The following CCDC190 variants were observed in gnomAD, a reference collection of about 807,000 sequenced individuals.
CCDC190 encodes coiled-coil domain-containing protein 190.
In CCDC190, 10 loss-of-function variants were observed where a neutral mutation model predicts 13.1. The observed-to-expected ratio is 0.77, with a 90% CI of 0.47 to 1.30. The LOEUF (loss-of-function observed/expected upper bound fraction) is 1.30, where lower values mean the gene tolerates loss of function less well. Ranked by LOEUF, CCDC190 falls within the 50% of genes most tolerant of loss-of-function variation. CCDC190 has a pLI of 0.00. For missense variants in CCDC190, 375 were observed against 354.3 expected, an observed-to-expected ratio of 1.06 and a Z score of -0.47; for synonymous variants, 136 against 127.2, an observed-to-expected ratio of 1.07 and a Z score of -0.47.
upstream of CCDC190, among the ~76,000 whole-genome samples, chr1:162,863,626 A>G (rs926754410): frequency 1.3e-5 from 2 of 152,200 alleles, no homozygotes; most frequent in African/African-American, 4.8e-5. Context: ...ACAGCACAAG[A>G]ATTGAGCAAC....
chr1:162,864,050 T>C (rs529953088), upstream of CCDC190, among the ~76,000 whole-genome samples: 70 of 149,064 alleles, frequency 4.7e-4, no homozygotes, highest in Middle Eastern at 3.5e-3. Flanking sequence ...AAGCAAAAGA[T>C]ATATGAATTA....
Position 162,852,938 on chromosome 1 carries a change from G to A in CCDC190, c.*1827C>T, listed in dbSNP as rs1184801535. The A allele has an allele frequency of 3.3e-6, 2 of 605,678 alleles. No homozygotes were observed. Among genetic ancestry groups the A allele is most frequent in the Non-Finnish European group, 6.0e-6 (2 of 336,000 alleles). 37.5% of individuals were successfully genotyped at this position (605,678 alleles called of 1,614,324 possible). A position where few individuals can be genotyped will look rare whatever the true frequency, so the allele number is the denominator to read the frequency against. The stretch of plus-strand genomic sequence containing the variant: ...AGAAAGAACTTTTAGGAAAGAGCTT[G>A]CGCAGTTTACAAAGGGGTTCTCTAA... On this transcript the variant is annotated 3_prime_UTR_variant, in exon 4 of 4. Transcript: ENST00000367912.
At chr1:162,867,193 C>T (rs1650738128) in intron 1 of CCDC190, among the ~76,000 whole-genome samples, 1 of 151,812 alleles carries the variant, frequency 6.6e-6, no homozygotes, top group Non-Finnish European at 1.5e-5. Flanking sequence ...ATTGACAACG[C>T]AAAAAAACCT....
At chr1:162,858,291 C>T (rs1020527953) in intron 2 of CCDC190, among the ~76,000 whole-genome samples, 4 of 152,156 alleles carry the variant, frequency 2.6e-5, no homozygotes, top group African/African-American at 9.7e-5. Flanking sequence ...TAGGGCCTGG[C>T]CTTTTGTACA....
upstream of CCDC190, among the ~76,000 whole-genome samples, chr1:162,864,477 G>C (rs577492892): frequency 3.3e-5 from 5 of 152,158 alleles, no homozygotes; most frequent in South Asian, 8.3e-4. Context: ...GAAGTATAAA[G>C]ACTATTTTTC....
intron 1 of CCDC190, among the ~76,000 whole-genome samples, chr1:162,866,420 G>A (rs572197046): frequency 9.2e-5 from 14 of 152,224 alleles, no homozygotes; most frequent in African/African-American, 3.1e-4. Flanking sequence ...ACAAGAGTAA[G>A]ACTCCATCTC....
At chr1:162,855,465 A>C (rs1650268774) in intron 3 of CCDC190, 106 bp from the exon 4 acceptor site, 1 of 1,467,156 alleles carries the variant, frequency 6.8e-7, no homozygotes, top group Non-Finnish European at 9.1e-7. Context: ...GGCCAAGGTA[A>C]TATAGGTGGG....
chr1:162,856,006 C>T, intron 2 of CCDC190: 2 of 297,870 alleles, frequency 6.7e-6, no homozygotes, highest in South Asian at 1.1e-4. Flanking sequence ...GAGAAGACAG[C>T]CATCTGTAAG....
rs1413706229 is a variant in CCDC190 at position 162,851,354 on chromosome 1, T to C, written c.*3411A>G. 6.7e-6 allele frequency: 1 copy of C among 148,672 alleles called. No individual in the cohort carries two copies. The highest frequency in any genetic ancestry group is 2.5e-5 in the African/African-American group (1 of 39,824). The allele number at this position is 148,672 out of a possible 1,614,324, so 9.2% of individuals were successfully genotyped here. On this transcript the variant is annotated 3_prime_UTR_variant, in exon 4 of 4. Coordinates refer to ENST00000367912, the MANE Select transcript of CCDC190 (RefSeq NM_001394065.1). ...GCTATTCTGGCTGTCATTGGTGAGATAGAGCTGCTGACATCTGTTTGGACT... is the reference window on the plus strand; with the variant it reads ...GCTATTCTGGCTGTCATTGGTGAGACAGAGCTGCTGACATCTGTTTGGACT...
In CCDC190 at chr1:162,853,179, C is replaced by T. The variant is rs1650172364; in HGVS notation, c.*1586G>A. 6.5e-7 allele frequency: 1 copy of T among 1,534,396 alleles called. No individual in the cohort carries two copies. The highest frequency in any genetic ancestry group is 2.1e-5 in the Admixed American group (1 of 48,702). On this transcript the variant is annotated 3_prime_UTR_variant, in exon 4 of 4. Transcript: ENST00000367912. ...AGGCTGGGCTGATGAAACTGACTCTCAAATGTTTGATCTAAGTTTTTGTCT... is the reference window on the plus strand; with the variant it reads ...AGGCTGGGCTGATGAAACTGACTCTTAAATGTTTGATCTAAGTTTTTGTCT...
chr1:162,865,268 A>T (rs560984201), upstream of CCDC190, among the ~76,000 whole-genome samples: 13 of 152,182 alleles, frequency 8.5e-5, no homozygotes, highest in Non-Finnish European at 1.6e-4. Context: ...TACATGGAGG[A>T]ATGAACAAAC....
Position 162,855,166 on chromosome 1 carries a change from CT to C in CCDC190, c.504del (p.Asp169ThrfsTer20), listed in dbSNP as rs1558110517. 1 of 1,613,994 alleles carries C rather than the reference CT, an allele frequency of 6.2e-7. No homozygotes were observed. The highest frequency in any genetic ancestry group is 1.7e-4 in the Middle Eastern group (1 of 6,060). Reference sequence around the variant, plus strand: ...GGAACAGAGATGCCCTTGCTGGGGTCTACGTCCTTAGATGGATTCACAGAAT... The same window carrying C: ...GGAACAGAGATGCCCTTGCTGGGGTCACGTCCTTAGATGGATTCACAGAAT... ...EKDSVNPSKD[V>X]DPSKGISVPC... On this transcript the variant is annotated frameshift_variant, in exon 4 of 4. Coordinates refer to ENST00000367912, the MANE Select transcript of CCDC190 (RefSeq NM_001394065.1). LOFTEE classifies it low-confidence loss of function (END_TRUNC).
chr1:162,859,587 A>G lies in CCDC190; in HGVS notation c.60T>C (p.Asn20=), dbSNP rs745347263. The G allele has an allele frequency of 3.8e-5, 62 of 1,613,830 alleles. No individual in the cohort carries two copies. The highest frequency in any genetic ancestry group is 4.9e-5 in the Non-Finnish European group (58 of 1,179,868). ...LYKHFDLERK[N]AKQAEARLDQ... ...CCAGTCTGGCTTCAGCCTGCTTGGCATTCTTCCTCTCCAAATCAAAATGCT... is the reference window on the plus strand; with the variant it reads ...CCAGTCTGGCTTCAGCCTGCTTGGCGTTCTTCCTCTCCAAATCAAAATGCT... Residue 20 remains asparagine (N), a synonymous_variant, in exon 2 of 4, where the codon AAT becomes AAC. Transcript: ENST00000367912.
intron 2 of CCDC190, among the ~76,000 whole-genome samples, chr1:162,858,630 A>G (rs1384720990): frequency 1.3e-5 from 2 of 152,184 alleles, no homozygotes; most frequent in Admixed American, 6.5e-5. Flanking sequence ...TGTTCTGTCC[A>G]TTTCAGACTC....
chr1:162,855,920 A>G (rs1276504037), intron 2 of CCDC190, 165 bp from the exon 3 acceptor site: 9 of 560,844 alleles, frequency 1.6e-5, no homozygotes, highest in Non-Finnish European at 2.8e-5. Flanking sequence ...TACTAATCCT[A>G]TATTACCGGT....
In CCDC190 at chr1:162,855,748, C is replaced by T. The variant is rs1172227838; in HGVS notation, c.195G>A (p.Met65Ile). 2 of 1,596,870 alleles carry T rather than the reference C, an allele frequency of 1.3e-6. No homozygotes were observed. The highest frequency in any genetic ancestry group is 8.5e-7 in the Non-Finnish European group (1 of 1,169,762). Residue 65 changes from methionine (M) to isoleucine (I), a missense_variant, in exon 3 of 4, where the codon ATG (methionine) becomes ATA (isoleucine). Coordinates refer to ENST00000367912, the MANE Select transcript of CCDC190 (RefSeq NM_001394065.1). ...CCAAATAAGAGGAGAACTTTTTCTT[C>T]ATGGTTTCTGCTTTGAGTTAATTAA... is the stretch of plus-strand genomic sequence containing the variant. ...KELQRLQQET[M>I]KKKFSSYLGN...
chr1:162,860,529 A>G (rs894793470), intron 1 of CCDC190, among the ~76,000 whole-genome samples: 22 of 152,184 alleles, frequency 1.4e-4, no homozygotes, highest in African/African-American at 5.3e-4. Context: ...TGCTCAGGAT[A>G]TAAACAGATT....
At position 162,852,934 on chromosome 1, in the gene CCDC190, G is replaced by C; in HGVS notation, c.*1831C>G. 4 of 601,892 alleles carry C rather than the reference G, an allele frequency of 6.6e-6. No individual in the cohort carries two copies. The highest frequency in any genetic ancestry group is 9.0e-6 in the Non-Finnish European group (3 of 333,832). The allele number at this position is 601,892 out of a possible 1,614,324, so 37.3% of individuals were successfully genotyped here. A position where few individuals can be genotyped will look rare whatever the true frequency, so the allele number is the denominator to read the frequency against. ...AAGAAGAAAGAACTTTTAGGAAAGA[G>C]CTTGCGCAGTTTACAAAGGGGTTCT... On this transcript the variant is annotated 3_prime_UTR_variant, in exon 4 of 4. Coordinates refer to ENST00000367912, the MANE Select transcript of CCDC190 (RefSeq NM_001394065.1).
At chr1:162,866,693 C>G (rs983178682) in intron 1 of CCDC190, among the ~76,000 whole-genome samples, 1 of 151,980 alleles carries the variant, frequency 6.6e-6, no homozygotes, top group Admixed American at 6.6e-5. Context: ...GATTTCGAGA[C>G]TTATTCTAAT....
Sources: allele counts gnomAD v4.1 joint callset (sites outside exome capture counted in the v4.1 genomes callset), GRCh38; gene constraint gnomAD v4.1.1; transcripts MANE v1.5; gene names NCBI Gene and HGNC (gene_info 2026-07-23, HGNC 2026-07-21).